The following TMEM63C variants were observed in gnomAD, a reference collection of about 807,000 sequenced individuals.
TMEM63C encodes transmembrane protein 63C.
A neutral mutation model predicts 99.2 loss-of-function variants in TMEM63C; 32 were observed. That is an observed-to-expected ratio of 0.32 (90% CI 0.24 to 0.43). The LOEUF is 0.43. TMEM63C is among the 20% of genes least tolerant of loss of function. The pLI is 1.00. For missense variants in TMEM63C, 826 were observed against 1,053.0 expected (o/e 0.78, Z 2.98); for synonymous variants, 376 against 397.9 (o/e 0.94, Z 0.66).
chr14:77,218,848 G>C lies in TMEM63C; in HGVS notation c.35G>C (p.Gly12Ala). Reference sequence around the variant, plus strand: ...TCACCAGACGACCTGAGTACAGGGGGAAGGTTACAGAACATGACAGTGGAT... The same window carrying C: ...TCACCAGACGACCTGAGTACAGGGGCAAGGTTACAGAACATGACAGTGGAT... ...SASPDDLSTG[G>A]RLQNMTVDEC... The change falls in exon 3 of 24, where the codon GGA becomes GCA. Residue 12 changes from glycine to alanine, a missense_variant. Transcript: ENST00000298351. 6.2e-7 allele frequency: 1 copy of C among 1,613,738 alleles called. No individual in the cohort carries two copies. The highest frequency in any genetic ancestry group is 1.7e-5 in the Admixed American group (1 of 59,986).
intron 23 of TMEM63C, among the ~76,000 whole-genome samples, chr14:77,255,008 G>A (rs1440938584): frequency 1.3e-5 from 2 of 152,082 alleles, no homozygotes; most frequent in South Asian, 2.1e-4. Context: ...TGTGGGGTGG[G>A]GAAACAGAAT....
In TMEM63C at chr14:77,220,018, G is replaced by C. The variant is rs1180498957; in HGVS notation, c.243G>C (p.Leu81=). Residue 81 remains leucine (L), a synonymous_variant, in exon 5 of 24, where the codon CTG becomes CTC. Coordinates refer to ENST00000298351, the MANE Select transcript of TMEM63C (RefSeq NM_020431.4). The stretch of plus-strand genomic sequence containing the variant: ...CCCTGGCTGGCAGCCTGACCTCGCT[G>C]ATCTATGGGGAGCAGAGCGAGAAGA... The part of the protein sequence containing the change: ...LLIHNDSLTS[L]IYGEQSEKTS... 6.4e-7 allele frequency: 1 copy of C among 1,559,638 alleles called. No individual in the cohort carries two copies. The highest frequency in any genetic ancestry group is 1.2e-5 in the South Asian group (1 of 84,422).
intron 1 of TMEM63C, chr14:77,212,326 T>G (rs1888508222): frequency 6.6e-6 from 1 of 152,254 alleles, no homozygotes; most frequent in East Asian, 1.9e-4. Context: ...GGGTCTGGGA[T>G]TAAGTCCAGT....
At chr14:77,241,844 A>G (rs1594867239) in intron 13 of TMEM63C, among the ~76,000 whole-genome samples, 2 of 152,162 alleles carry the variant, frequency 1.3e-5, no homozygotes, top group East Asian at 3.9e-4. Flanking sequence ...ATGAGCTAGC[A>G]AGCCAGAGGT....
chr14:77,190,742 C>T (rs974478129), intron 1 of TMEM63C, among the ~76,000 whole-genome samples: 1 of 152,138 alleles, frequency 6.6e-6, no homozygotes, highest in Admixed American at 6.5e-5. Flanking sequence ...GATTTTAACT[C>T]TTACTTCATA....
At chr14:77,200,807 G>C (rs538297608) in intron 1 of TMEM63C, among the ~76,000 whole-genome samples, 13 of 152,296 alleles carry the variant, frequency 8.5e-5, no homozygotes, top group Admixed American at 2.6e-4. Flanking sequence ...GTGTCCTCAG[G>C]CTAGAAATGT....
chr14:77,217,297 C>T (rs957340610), intron 2 of TMEM63C, among the ~76,000 whole-genome samples: 13 of 152,204 alleles, frequency 8.5e-5, no homozygotes, highest in African/African-American at 2.7e-4. Flanking sequence ...GCTCTTTCCC[C>T]AACAGCTGCA....
Position 77,256,599 on chromosome 14 carries a change from A to G in TMEM63C, c.2294A>G (p.Tyr765Cys). The G allele has an allele frequency of 6.2e-7, 1 of 1,613,998 alleles. No homozygotes were observed. The highest frequency in any genetic ancestry group is 8.5e-7 in the Non-Finnish European group (1 of 1,179,868). ...GCCTCCTCCCCAGCCAGGCACACCT[A>G]TGGCACCATGAACAACCAGCCGGAA... is the stretch of plus-strand genomic sequence containing the variant. ...TPASSPARHT[Y>C]GTMNNQPEEG... Residue 765 changes from tyrosine (Y) to cysteine (C), a missense_variant, in exon 24 of 24, where the codon TAT becomes TGT. Transcript: ENST00000298351.
At chr14:77,204,247 AT>A (rs11344024) in intron 1 of TMEM63C, among the ~76,000 whole-genome samples, 48,410 of 151,472 alleles carry the variant, frequency 0.32, 9,324 homozygotes, top group East Asian at 0.67. Flanking sequence ...GATGCGCCAC[AT>A]TTTTTTTTTA....
intron 15 of TMEM63C, 131 bp downstream of exon 15, chr14:77,243,187 GC>G: frequency 1.8e-6 from 2 of 1,129,926 alleles, no homozygotes; most frequent in Non-Finnish European, 2.5e-6. Flanking sequence ...TGTGGAGGTG[GC>G]CATGGTGCAA....
In TMEM63C at chr14:77,248,476, T is replaced by C. The variant is rs754268477; in HGVS notation, c.1731T>C (p.Ser577=). The change falls in exon 19 of 24, where the codon TCT becomes TCC. Residue 577 remains serine, a synonymous_variant. Transcript: ENST00000298351. ...GCTACAGCACCCGCCTCTTCTTCTC[T>C]AGATCAGAGCCAGAGAGAGTCAACA... ...LFCYSTRLFF[S]RSEPERVNIR... is the part of the protein sequence containing the mutation. 2.2e-5 allele frequency: 35 copies of C among 1,593,246 alleles called. No homozygotes were observed. The highest frequency in any genetic ancestry group is 2.9e-5 in the Non-Finnish European group (34 of 1,169,992).
At chr14:77,245,881 A>G in intron 16 of TMEM63C, 59 bp from the exon 17 acceptor site, 1 of 1,215,006 alleles carries the variant, frequency 8.2e-7, no homozygotes, top group Non-Finnish European at 1.2e-6. Context: ...TTACATAGTT[A>G]GGCCTTTGGT....
In TMEM63C at chr14:77,248,396, A is replaced by T; in HGVS notation, c.1651A>T (p.Thr551Ser). 1 of 1,609,502 alleles carries T rather than the reference A, an allele frequency of 6.2e-7. No homozygotes were observed. Among genetic ancestry groups the T allele is most frequent in the Non-Finnish European group, 8.5e-7 (1 of 1,177,946 alleles). ...CGCCTTCTTTGTCAACTACGTGATC[A>T]CGGCAGCTTTACTTGGCACAGGCAT... ...NGAFFVNYVI[T>S]AALLGTGMEL... is the part of the protein sequence containing the mutation. Residue 551 changes from threonine to serine, a missense_variant, in exon 19 of 24, where the codon ACG becomes TCG. Coordinates refer to ENST00000298351, the MANE Select transcript of TMEM63C (RefSeq NM_020431.4).
intron 2 of TMEM63C, among the ~76,000 whole-genome samples, chr14:77,218,340 T>C (rs1888629839): frequency 6.6e-6 from 1 of 152,170 alleles, no homozygotes. Flanking sequence ...CAGAGATTGC[T>C]GAATGCAGAG....
At chr14:77,245,814 A>G (rs1889260783) in intron 16 of TMEM63C, 126 bp from the exon 17 acceptor site, 5 of 716,710 alleles carry the variant, frequency 7.0e-6, no homozygotes, top group Non-Finnish European at 1.3e-5. Flanking sequence ...GAGCTACAAG[A>G]TGAGATTTGG....
At chr14:77,226,688 T>A (rs1888833730) in intron 6 of TMEM63C, among the ~76,000 whole-genome samples, 1 of 151,530 alleles carries the variant, frequency 6.6e-6, no homozygotes, top group South Asian at 2.1e-4. Context: ...ACATGGTAAA[T>A]CTGGTGTGAC....
chr14:77,218,743 T>C, intron 2 of TMEM63C, 58 bp from the exon 3 acceptor site: 1 of 1,572,984 alleles, frequency 6.4e-7, no homozygotes, highest in Non-Finnish European at 8.7e-7. Context: ...CGGGCTTCTG[T>C]GTTTTGCAAA....
chr14:77,253,510 C>A, intron 23 of TMEM63C, 134 bp downstream of exon 23: 5 of 818,812 alleles, frequency 6.1e-6, no homozygotes, highest in Non-Finnish European at 8.0e-6. Context: ...CCCCTGGGCT[C>A]CCTCCTCTAA....
intron 6 of TMEM63C, among the ~76,000 whole-genome samples, chr14:77,227,619 C>T (rs1487516231): frequency 1.3e-5 from 2 of 152,142 alleles, no homozygotes; most frequent in Non-Finnish European, 2.9e-5. Flanking sequence ...AGAAGCGGCC[C>T]AAGGGAGTGC....
Sources: allele counts gnomAD v4.1 joint callset (sites outside exome capture counted in the v4.1 genomes callset), GRCh38; gene constraint gnomAD v4.1.1; transcripts MANE v1.5; gene names NCBI Gene and HGNC (gene_info 2026-07-23, HGNC 2026-07-21).